The following C3orf85 variants were observed in gnomAD, a reference collection of about 807,000 sequenced individuals.
The protein encoded by C3orf85 is chromosome 3 open reading frame 85.
Under a neutral mutation model 1.7 loss-of-function variants are expected in C3orf85, and 1 was observed. The observed-to-expected ratio is 0.60, with a 90% confidence interval of 0.21 to 2.86. The LOEUF is 2.86. Ranked by LOEUF, C3orf85 falls within the 30% of genes most tolerant of loss-of-function variation. C3orf85 has a pLI of 0.22. For synonymous variants in C3orf85, 17 were observed against 8.0 expected (o/e 2.13, Z -1.90); for missense variants, 29 against 21.3 (o/e 1.36, Z -0.72).
intron 3 of C3orf85, chr3:109,149,571 A>C (rs529884789): frequency 3.3e-6 from 1 of 305,188 alleles, no homozygotes. Context: ...GCACTATGTA[A>C]TGTAGCAAGA....
chr3:109,147,762 G>C (rs1376397736), intron 2 of C3orf85, among the ~76,000 whole-genome samples: 2 of 152,106 alleles, frequency 1.3e-5, no homozygotes. Flanking sequence ...CAAACAGAAA[G>C]ATCAGTTCTA....
intron 2 of C3orf85, among the ~76,000 whole-genome samples, chr3:109,145,327 A>G (rs1233798460): frequency 2.6e-5 from 4 of 152,254 alleles, no homozygotes; most frequent in Admixed American, 6.5e-5. Context: ...TGATGTCACA[A>G]TGTGGAAGAA....
chr3:109,149,676 C>A (rs886406684), intron 3 of C3orf85, 129 bp from the exon 4 acceptor site: 1 of 390,238 alleles, frequency 2.6e-6, no homozygotes, highest in Non-Finnish European at 4.5e-6. Context: ...AAACCAAATT[C>A]TATTTGGTAT....
intron 2 of C3orf85, among the ~76,000 whole-genome samples, chr3:109,147,099 C>G (rs1706808486): frequency 1.3e-5 from 2 of 152,190 alleles, no homozygotes; most frequent in South Asian, 4.2e-4. Context: ...GTTTCTCCTT[C>G]TCCCATCCTG....
intron 2 of C3orf85, among the ~76,000 whole-genome samples, chr3:109,139,501 GA>G (rs1332582968): frequency 1.3e-5 from 2 of 151,698 alleles, no homozygotes; most frequent in Non-Finnish European, 2.9e-5. Flanking sequence ...TGGAAATATG[GA>G]AAAAAAACAA....
chr3:109,151,294 G>A lies in C3orf85; in HGVS notation c.*1400G>A. Reference sequence around the variant, plus strand: ...AATTATTTAATAAAAAATTGAGAATGTCTGTGTATTAGGGTTCTCCAGAGA... The same window carrying A: ...AATTATTTAATAAAAAATTGAGAATATCTGTGTATTAGGGTTCTCCAGAGA... On this transcript the variant is annotated 3_prime_UTR_variant, in exon 4 of 4. Transcript: ENST00000622536. Among the ~76,000 whole-genome samples, 1 of 152,142 alleles carries A rather than the reference G, an allele frequency of 6.6e-6. No homozygotes were observed. The highest frequency in any genetic ancestry group is 1.9e-4 in the East Asian group (1 of 5,200).
At chr3:109,143,747 A>C (rs929209390) in intron 2 of C3orf85, among the ~76,000 whole-genome samples, 2 of 152,226 alleles carry the variant, frequency 1.3e-5, no homozygotes, top group African/African-American at 4.8e-5. Flanking sequence ...TGTTTCACAG[A>C]ATAAAAAATG....
chr3:109,143,627 G>A (rs1183938133), intron 2 of C3orf85, among the ~76,000 whole-genome samples: 1 of 152,158 alleles, frequency 6.6e-6, no homozygotes, highest in East Asian at 1.9e-4. Flanking sequence ...CCGATAACAC[G>A]ATACCATGCA....
chr3:109,149,928 AT>A lies in C3orf85; in HGVS notation c.*35del, dbSNP rs1255933543. On this transcript the variant is annotated 3_prime_UTR_variant, in exon 4 of 4. Transcript: ENST00000622536. ...TCCTGGTTAAAGCAGGAGGATGAAG[AT>A]GGCAGAGGTTGGAATGGCATTGTGC... 2.5e-6 allele frequency: 1 copy of A among 397,882 alleles called. No individual in the cohort carries two copies. Among genetic ancestry groups the A allele is most frequent in the African/African-American group, 2.1e-5 (1 of 48,590 alleles). 24.6% of individuals were successfully genotyped at this position (397,882 alleles called of 1,614,324 possible).
intron 2 of C3orf85, among the ~76,000 whole-genome samples, 174 bp downstream of exon 2, chr3:109,137,070 CTGTGTG>C (rs3054419): frequency 0.48 from 71,613 of 149,758 alleles, 20,000 homozygotes; most frequent in East Asian, 0.9. Context: ...TTAATGTTAA[CTGTGTG>C]TGTGTGTGTG....
rs571446664 is a variant in C3orf85, at chr3:109,138,562, A to G, written c.49+1666A>G. 3.9e-5 allele frequency among the ~76,000 whole-genome samples: 6 copies of G among 152,110 alleles called. No homozygotes were observed. The East Asian group carries it at 9.6e-4, about 24-fold the overall frequency. On this transcript the variant is annotated intron_variant, in intron 2 of 3. Coordinates refer to ENST00000622536, the MANE Select transcript of C3orf85 (RefSeq NM_001351622.2). ...ATAAGAAAACCACTATTTTTTTTTA[A>G]AGTTTATTTTCATGTTTTTTAAGTT...
intron 2 of C3orf85, among the ~76,000 whole-genome samples, chr3:109,144,671 A>G (rs1295887697): frequency 6.6e-6 from 1 of 152,180 alleles, no homozygotes; most frequent in African/African-American, 2.4e-5. Context: ...TTTTTTTCTT[A>G]GTGATTGTAT....
rs565642807 is a variant in C3orf85 at position 109,149,696 on chromosome 3, A to G, written c.184-109A>G. 158 of 393,620 alleles carry G rather than the reference A, an allele frequency of 4.0e-4. 2 individuals are homozygous for G. The East Asian group carries it at 5.2e-3, about 13-fold the overall frequency. 24.4% of individuals were successfully genotyped at this position (393,620 alleles called of 1,614,324 possible). On this transcript the variant is annotated intron_variant, in intron 3 of 3. Transcript: ENST00000622536. Reference sequence around the variant, plus strand: ...AAATTCTATTTGGTATAATTCTTCCATTATATTTTTCTCATCTTTTAGGAA... The same window carrying G: ...AAATTCTATTTGGTATAATTCTTCCGTTATATTTTTCTCATCTTTTAGGAA...
chr3:109,150,325 G>C lies in C3orf85; in HGVS notation c.*431G>C, dbSNP rs1006521207. 6.6e-6 allele frequency: 1 copy of C among 152,378 alleles called. No homozygotes were observed. The highest frequency in any genetic ancestry group is 1.5e-5 in the Non-Finnish European group (1 of 68,192). The allele number at this position is 152,378 out of a possible 1,614,324, so 9.4% of individuals were successfully genotyped here. ...AGCTGATCCTCTTCTCTCTTCTTCAGTGCTTGTCGCATTCTTAAGTCAGTC... is the reference window on the plus strand; with the variant it reads ...AGCTGATCCTCTTCTCTCTTCTTCACTGCTTGTCGCATTCTTAAGTCAGTC... On this transcript the variant is annotated 3_prime_UTR_variant, in exon 4 of 4. Transcript: ENST00000622536.
chr3:109,139,445 G>A (rs184539216), intron 2 of C3orf85, among the ~76,000 whole-genome samples: 3 of 152,222 alleles, frequency 2.0e-5, no homozygotes, highest in Admixed American at 2.0e-4. Flanking sequence ...TAGCAACAGG[G>A]CATTTATTAA....
chr3:109,140,443 G>A (rs1286792690), intron 2 of C3orf85, among the ~76,000 whole-genome samples: 1 of 152,204 alleles, frequency 6.6e-6, no homozygotes, highest in Non-Finnish European at 1.5e-5. Context: ...GAGCTTCCGT[G>A]GGTCCACCCC....
intron 3 of C3orf85, chr3:109,148,701 G>A (rs1706828338): frequency 3.4e-6 from 1 of 295,846 alleles, no homozygotes; most frequent in Non-Finnish European, 6.4e-6. Context: ...GGAATTACTT[G>A]TTTTGTGTAC....
Position 109,137,658 on chromosome 3 carries a change from T to TATATATATATATAA in C3orf85, c.49+773_49+774insTAAATATATATATA, listed in dbSNP as rs1706694775. ...GTGTGTATATATATATATATATATATATATATATATAAAATAAGCCTTCAA... is the reference window on the plus strand; with the variant it reads ...GTGTGTATATATATATATATATATATATATATATATATAAATATATATATAAAATAAGCCTTCAA... On this transcript the variant is annotated intron_variant, in intron 2 of 3. Coordinates refer to ENST00000622536, the MANE Select transcript of C3orf85 (RefSeq NM_001351622.2). Among the ~76,000 whole-genome samples the TATATATATATATAA allele has an allele frequency of 2.1e-5, 3 of 143,632 alleles. No individual in the cohort carries two copies. The Admixed American group carries it at 2.1e-4, about 10-fold the overall frequency. The allele number at this position is 143,632 out of a possible 152,430, so 94.2% of individuals were successfully genotyped here.
At chr3:109,138,494 A>G (rs769827259) in intron 2 of C3orf85, among the ~76,000 whole-genome samples, 42 of 152,250 alleles carry the variant, frequency 2.8e-4, no homozygotes, top group Non-Finnish European at 5.3e-4. Flanking sequence ...TTTTAAGAAT[A>G]CAGCCTATTC....
Sources: allele counts gnomAD v4.1 joint callset (sites outside exome capture counted in the v4.1 genomes callset), GRCh38; gene constraint gnomAD v4.1.1; transcripts MANE v1.5; gene names NCBI Gene and HGNC (gene_info 2026-07-23, HGNC 2026-07-21).